The following GNA14 variants were observed in gnomAD, a reference collection of about 807,000 sequenced individuals.
The protein encoded by GNA14 is G protein subunit alpha 14.
Under a neutral mutation model 42.0 loss-of-function variants are expected in GNA14, and 50 were observed. That is an observed-to-expected ratio of 1.19 (90% CI 0.95 to 1.51). The LOEUF is 1.51. Ranked by LOEUF, GNA14 falls within the 40% of genes most tolerant of loss-of-function variation. The probability of loss-of-function intolerance (pLI) is 0.00; values close to 1 mark genes in which losing one functional copy is unlikely to be tolerated. For synonymous variants in GNA14, 173 were observed against 163.1 expected, an observed-to-expected ratio of 1.06 and a Z score of -0.46; for missense variants, 473 against 446.2, an observed-to-expected ratio of 1.06 and a Z score of -0.54.
intron 1 of GNA14, among the ~76,000 whole-genome samples, chr9:77,628,556 C>A (rs1234458227): frequency 6.6e-6 from 1 of 152,146 alleles, no homozygotes; most frequent in Non-Finnish European, 1.5e-5. Context: ...ATCAATGGAA[C>A]AGAACAGAAG....
chr9:77,610,721 A>C (rs1456575850), intron 1 of GNA14, among the ~76,000 whole-genome samples: 1 of 152,206 alleles, frequency 6.6e-6, no homozygotes, highest in Admixed American at 6.5e-5. Context: ...ATAGCAACCA[A>C]ATAAGCTATT....
chr9:77,428,876 C>T, intron 5 of GNA14, 31 bp downstream of exon 5: 1 of 1,608,374 alleles, frequency 6.2e-7, no homozygotes, highest in Non-Finnish European at 8.5e-7. Context: ...CTCTGGCTTC[C>T]ACAGCTACCC....
intron 5 of GNA14, 87 bp downstream of exon 5, chr9:77,428,820 G>C: frequency 2.3e-6 from 3 of 1,312,318 alleles, no homozygotes; most frequent in Non-Finnish European, 3.2e-6. Flanking sequence ...TAATGACGAG[G>C]GTCTATTTCC....
chr9:77,584,189 A>G (rs1436672015), intron 1 of GNA14, among the ~76,000 whole-genome samples: 1 of 152,230 alleles, frequency 6.6e-6, no homozygotes, highest in African/African-American at 2.4e-5. Flanking sequence ...AGGTAACATT[A>G]AGAATCTACC....
At position 77,445,228 on chromosome 9, in the gene GNA14, G is replaced by C. The variant is rs1043430747; in HGVS notation, c.310-10706C>G. Among the ~76,000 whole-genome samples, 8 of 152,302 alleles carry C rather than the reference G, an allele frequency of 5.3e-5. No homozygotes were observed. In the East Asian group the frequency reaches 1.5e-3, roughly 29 times the overall value. On this transcript the variant is annotated intron_variant, in intron 2 of 6. Transcript: ENST00000341700. ...GTGTATGGAGCGGGGGTACGAGAAA[G>C]GGACCAGACCAGCCTTTGCTACATC...
chr9:77,635,836 G>A (rs1824176523), intron 1 of GNA14, among the ~76,000 whole-genome samples: 1 of 152,144 alleles, frequency 6.6e-6, no homozygotes, highest in African/African-American at 2.4e-5. Context: ...CATCTGCTGA[G>A]TCCCTTCACT....
chr9:77,640,694 G>T (rs921178593), intron 1 of GNA14, among the ~76,000 whole-genome samples: 7 of 151,666 alleles, frequency 4.6e-5, no homozygotes, highest in African/African-American at 1.7e-4. Context: ...TAATTGATCT[G>T]AATTAGGGAC....
chr9:77,431,789 C>G (rs1835559795), intron 3 of GNA14: 1 of 216,234 alleles, frequency 4.6e-6, no homozygotes, highest in South Asian at 1.5e-4. Context: ...CTCTCTCCAA[C>G]ACCCCATCTG....
At chr9:77,627,244 GC>G (rs1473578229) in intron 1 of GNA14, among the ~76,000 whole-genome samples, 13 of 152,058 alleles carry the variant, frequency 8.5e-5, no homozygotes, top group African/African-American at 3.1e-4. Flanking sequence ...GTAATTAATA[GC>G]CTATGAACCA....
chr9:77,485,639 CT>C (rs1258104941), intron 2 of GNA14, among the ~76,000 whole-genome samples: 1 of 152,064 alleles, frequency 6.6e-6, no homozygotes, highest in African/African-American at 2.4e-5. Context: ...AATAATAAGA[CT>C]TGGAAGTCAA....
chr9:77,556,645 CT>C (rs1478518681), intron 1 of GNA14, among the ~76,000 whole-genome samples: 2 of 152,132 alleles, frequency 1.3e-5, no homozygotes, highest in Non-Finnish European at 2.9e-5. Context: ...TCTCCCCCTC[CT>C]CTCTCACTCC....
chr9:77,643,638 T>C (rs1186625880), intron 1 of GNA14, among the ~76,000 whole-genome samples: 1 of 152,214 alleles, frequency 6.6e-6, no homozygotes, highest in East Asian at 1.9e-4. Flanking sequence ...AAATGGGATT[T>C]TGTTATAACC....
chr9:77,647,549 G>A, intron 1 of GNA14, 121 bp downstream of exon 1: 8 of 1,126,400 alleles, frequency 7.1e-6, no homozygotes, highest in Non-Finnish European at 9.8e-6. Context: ...CCGAGGGGGA[G>A]AAGGACGAAG....
At chr9:77,576,971 C>T (rs998072862) in intron 1 of GNA14, among the ~76,000 whole-genome samples, 3 of 152,176 alleles carry the variant, frequency 2.0e-5, no homozygotes, top group African/African-American at 7.2e-5. Flanking sequence ...TATGCCTCTT[C>T]CTTGCTAACC....
rs376646228 is a variant in GNA14, at chr9:77,457,326, G to A, written c.310-22804C>T. ...TAGAATATTATCACCAACACAAAAT[G>A]CCCCTTGGGGGTCTATGTTCTATAA... On this transcript the variant is annotated intron_variant, in intron 2 of 6. Coordinates refer to ENST00000341700, the MANE Select transcript of GNA14 (RefSeq NM_004297.4). 4.5e-4 allele frequency among the ~76,000 whole-genome samples: 69 copies of A among 152,298 alleles called. 1 individual carries two copies. Among genetic ancestry groups the A allele is most frequent in the African/African-American group, 1.6e-3 (65 of 41,560 alleles).
At chr9:77,593,431 C>T (rs1319528984) in intron 1 of GNA14, among the ~76,000 whole-genome samples, 3 of 151,758 alleles carry the variant, frequency 2.0e-5, no homozygotes, top group African/African-American at 7.3e-5. Context: ...AGGTTCAAGC[C>T]TCCCAAGTAA....
At chr9:77,466,394 G>A (rs936430896) in intron 2 of GNA14, among the ~76,000 whole-genome samples, 7 of 152,102 alleles carry the variant, frequency 4.6e-5, no homozygotes, top group African/African-American at 1.7e-4. Flanking sequence ...CTACTACGGA[G>A]CCTTTCTAGC....
chr9:77,452,570 GTAT>G (rs1835923607), intron 2 of GNA14, among the ~76,000 whole-genome samples: 3 of 107,934 alleles, frequency 2.8e-5, no homozygotes, highest in Non-Finnish European at 3.6e-5. Flanking sequence ...GTGTGTGTGT[GTAT>G]GTGCATGTGT....
At chr9:77,555,368 G>A (rs1248502223) in intron 1 of GNA14, among the ~76,000 whole-genome samples, 4 of 152,148 alleles carry the variant, frequency 2.6e-5, no homozygotes, top group African/African-American at 9.7e-5. Flanking sequence ...TTAGCTGGGC[G>A]TGGTGGCATG....
Sources: allele counts gnomAD v4.1 joint callset (sites outside exome capture counted in the v4.1 genomes callset), GRCh38; gene constraint gnomAD v4.1.1; transcripts MANE v1.5; gene names NCBI Gene and HGNC (gene_info 2026-07-23, HGNC 2026-07-21).